Variants in NIN observed in about 807,000 individuals in gnomAD.
NIN encodes the protein glycogen synthase kinase 3 beta-interacting protein.
A neutral mutation model predicts 257.6 loss-of-function variants in NIN; 137 were observed. The observed-to-expected ratio is 0.53, with a 90% CI of 0.46 to 0.61. The LOEUF (loss-of-function observed/expected upper bound fraction) is 0.61, where lower values mean the gene tolerates loss of function less well. Ranked by LOEUF, NIN falls within the 20% of genes least tolerant of loss-of-function variation. NIN has a pLI of 0.00. For synonymous variants in NIN, 918 were observed against 919.8 expected, an observed-to-expected ratio of 1.00 and a Z score of 0.04; for missense variants, 2,439 against 2,501.2, an observed-to-expected ratio of 0.98 and a Z score of 0.53.
rs763688866 is a variant in NIN at position 50,760,038 on chromosome 14, G to T, written c.2218C>A (p.Arg740=). The T allele has an allele frequency of 2.5e-6, 4 of 1,614,036 alleles. No individual in the cohort carries two copies. The Middle Eastern group carries it at 4.9e-4, about 200-fold the overall frequency. Residue 740 remains arginine, a synonymous_variant, in exon 17 of 31, where the codon CGG becomes AGG. Transcript: ENST00000530997. ...CTACTCTGAAGGCCTTCCCTCTCCC[G>T]CTCAAAGCTTGCTTGAGCCTGTGTC... ...RLTQAQASFE[R]EREGLQSSAW... is the part of the protein sequence containing the mutation.
At chr14:50,727,678 C>T in intron 29 of NIN, 1 of 1,441,344 alleles carries the variant, frequency 6.9e-7, no homozygotes, top group Non-Finnish European at 9.4e-7. Flanking sequence ...CCATCAATAG[C>T]AGCCCAGTTT....
chr14:50,801,510 C>T (rs768840699), intron 4 of NIN, among the ~76,000 whole-genome samples: 5 of 152,196 alleles, frequency 3.3e-5, no homozygotes, highest in African/African-American at 4.8e-5. Context: ...GACAACAGAA[C>T]GAGCCTTTGG....
rs537104551 is a variant in NIN at position 50,796,103 on chromosome 14, T to G, written c.266-3222A>C. 2.0e-5 allele frequency among the ~76,000 whole-genome samples: 3 copies of G among 152,394 alleles called. No individual in the cohort carries two copies. The East Asian group carries it at 5.8e-4, about 29-fold the overall frequency. ...GTATTTATGATTCTCCCTGGATTGT[T>G]AAGCTTCTGAGTCATTTTTCCTTCT... On this transcript the variant is annotated intron_variant, in intron 4 of 30. Coordinates refer to ENST00000530997, the MANE Select transcript of NIN (RefSeq NM_020921.4).
At position 50,796,187 on chromosome 14, in the gene NIN, G is replaced by T. The variant is rs573875602; in HGVS notation, c.266-3306C>A. Reference sequence around the variant, plus strand: ...TACAAAAATTAAAGTGGGCTTCAAAGGAAAGCAGACAAGCCCAGCTTGCCT... The same window carrying T: ...TACAAAAATTAAAGTGGGCTTCAAATGAAAGCAGACAAGCCCAGCTTGCCT... On this transcript the variant is annotated intron_variant, in intron 4 of 30. Coordinates refer to ENST00000530997, the MANE Select transcript of NIN (RefSeq NM_020921.4). Among the ~76,000 whole-genome samples, 3 of 152,302 alleles carry T rather than the reference G, an allele frequency of 2.0e-5. No homozygotes were observed. The South Asian group carries it at 6.2e-4, about 32-fold the overall frequency.
At chr14:50,796,375 T>C (rs996120695) in intron 4 of NIN, among the ~76,000 whole-genome samples, 5 of 152,188 alleles carry the variant, frequency 3.3e-5, no homozygotes, top group Admixed American at 2.0e-4. Flanking sequence ...AAACCTTGCT[T>C]CAACCCTCCA....
chr14:50,767,812 A>G (rs978012941), intron 12 of NIN, among the ~76,000 whole-genome samples: 19 of 149,778 alleles, frequency 1.3e-4, no homozygotes, highest in South Asian at 8.5e-4. Context: ...GCAAGACTCC[A>G]TCTCAAAAAA....
rs544494719 is a variant in NIN at position 50,733,054 on chromosome 14, T to A, written c.5877+2462A>T. ...CTGAACTCTAGCCTGGGTGACAGAA[T>A]CTCAAAAAAAATATCCAATTTGTGT... On this transcript the variant is annotated intron_variant, in intron 28 of 30. Coordinates refer to ENST00000530997, the MANE Select transcript of NIN (RefSeq NM_020921.4). 6.8e-4 allele frequency among the ~76,000 whole-genome samples: 102 copies of A among 150,894 alleles called. 1 individual carries two copies. In the South Asian group the frequency reaches 0.021, roughly 31 times the overall value.
intron 4 of NIN, chr14:50,806,299 T>C (rs2044323556): frequency 2.0e-5 from 3 of 152,794 alleles, no homozygotes; most frequent in Admixed American, 2.0e-4. Flanking sequence ...AGACAGATAA[T>C]TATAATGTAA....
intron 4 of NIN, among the ~76,000 whole-genome samples, chr14:50,793,091 A>G (rs918141086): frequency 6.6e-6 from 1 of 152,148 alleles, no homozygotes; most frequent in South Asian, 2.1e-4. Context: ...CCGTGAGTAT[A>G]TATCTGCACA....
intron 15 of NIN, among the ~76,000 whole-genome samples, chr14:50,762,937 A>T (rs1417721496): frequency 6.6e-6 from 1 of 152,120 alleles, no homozygotes; most frequent in Non-Finnish European, 1.5e-5. Flanking sequence ...CCTCATGAGG[A>T]ACAACCCCAA....
At chr14:50,781,095 A>C (rs2043118154) in intron 5 of NIN, among the ~76,000 whole-genome samples, 1 of 152,200 alleles carries the variant, frequency 6.6e-6, no homozygotes, top group South Asian at 2.1e-4. Flanking sequence ...AGAGCAGACA[A>C]TTTAAATGCT....
At chr14:50,798,419 C>G (rs541720019) in intron 4 of NIN, among the ~76,000 whole-genome samples, 140 of 152,262 alleles carry the variant, frequency 9.2e-4, no homozygotes, top group Non-Finnish European at 1.4e-3. Flanking sequence ...GTTACCACCC[C>G]CCGAAGGTGC....
In NIN at chr14:50,754,630, T is replaced by G. The variant is rs1409250208; in HGVS notation, c.4667A>C (p.Gln1556Pro). Residue 1556 changes from glutamine to proline, a missense_variant and splice_region_variant, in exon 20 of 31, where the codon CAA becomes CCA. Around this residue, in one of 3 missense-constraint regions of NIN, gnomAD observed 2,043 missense variants for 2,050.2 expected, o/e 1.00. Coordinates refer to ENST00000530997, the MANE Select transcript of NIN (RefSeq NM_020921.4). ...TLNGSQEEMW[Q>P]KTETVKQENA... ...TTCTTGTTTTACAGTTTCCGTTTTT[T>G]GCCTAAAAGGAATGATGAAAATAAA... The G allele has an allele frequency of 1.2e-6, 2 of 1,608,776 alleles. No individual in the cohort carries two copies. The highest frequency in any genetic ancestry group is 1.1e-5 in the South Asian group (1 of 89,752).
chr14:50,771,292 G>A, intron 10 of NIN, 40 bp downstream of exon 10: 3 of 1,606,082 alleles, frequency 1.9e-6, no homozygotes, highest in East Asian at 2.2e-5. Flanking sequence ...TGGACAAGTA[G>A]GAAAGGGAAT....
chr14:50,731,096 C>A (rs1360883411), intron 28 of NIN: 1 of 369,678 alleles, frequency 2.7e-6, no homozygotes, highest in Non-Finnish European at 5.2e-6. Context: ...CTATTATATA[C>A]ATGAATAAGA....
chr14:50,809,349 C>T (rs1246311402), intron 3 of NIN, among the ~76,000 whole-genome samples: 1 of 152,120 alleles, frequency 6.6e-6, no homozygotes, highest in Non-Finnish European at 1.5e-5. Context: ...GCCTTCTCCT[C>T]CAGGATCTGC....
intron 2 of NIN, among the ~76,000 whole-genome samples, chr14:50,824,223 G>GA (rs1337101889): frequency 6.6e-6 from 1 of 152,172 alleles, no homozygotes; most frequent in Non-Finnish European, 1.5e-5. Flanking sequence ...TTAAACCAAT[G>GA]AAAGAGAGGA....
intron 15 of NIN, among the ~76,000 whole-genome samples, chr14:50,763,462 C>T (rs1595806321): frequency 6.6e-6 from 1 of 152,214 alleles, no homozygotes; most frequent in Non-Finnish European, 1.5e-5. Flanking sequence ...ATATGAGTTA[C>T]ACACTCTCTT....
In NIN at chr14:50,758,503, C is replaced by A; in HGVS notation, c.2527G>T (p.Glu843Ter). 2 of 1,614,222 alleles carry A rather than the reference C, an allele frequency of 1.2e-6. No homozygotes were observed. The highest frequency in any genetic ancestry group is 8.5e-7 in the Non-Finnish European group (1 of 1,180,040). Residue 843 changes from glutamate to a stop codon, truncating the protein, a stop_gained, in exon 18 of 31, where the codon GAG becomes TAG. Transcript: ENST00000530997. LOFTEE classifies it high-confidence loss of function. Reference protein sequence around the residue: ...LQSLEGRYRQELKDLQEQQRE... With the variant: ...LQSLEGRYRQ ...TGCTGTTCCTGGAGGTCCTTCAGCT[C>A]TTGGCGGTAGCGCCCCTCCAGGCTT...
Sources: gnomAD v4.1 joint callset for allele counts (sites outside exome capture counted in the v4.1 genomes callset) on GRCh38, gnomAD v4.1.1 for gene constraint, gnomAD v4.1.1 regional missense constraint, MANE v1.5 for transcripts, NCBI Gene and HGNC (gene_info 2026-07-23, HGNC 2026-07-21) for gene names.